Variants in SMYD5 observed in about 807,000 individuals in gnomAD.
SMYD5 encodes protein-lysine N-trimethyltransferase SMYD5.
Under a neutral mutation model 57.4 loss-of-function variants are expected in SMYD5, and 35 were observed. The ratio of observed to expected loss-of-function variants is 0.61; its 90% CI spans 0.47 to 0.81. The LOEUF is 0.81. Among genes scored for constraint, SMYD5 ranks in the 30% least tolerant of loss-of-function variants. The probability of loss-of-function intolerance (pLI) is 0.00; values close to 1 mark genes in which losing one functional copy is unlikely to be tolerated. For missense variants in SMYD5, 471 were observed against 527.9 expected (o/e 0.89, Z 1.06); for synonymous variants, 198 against 189.7 (o/e 1.04, Z -0.36).
intron 10 of SMYD5, among the ~76,000 whole-genome samples, chr2:73,224,303 G>T (rs2103721264): frequency 6.6e-6 from 1 of 152,336 alleles, no homozygotes; most frequent in South Asian, 2.1e-4. Context: ...GGATGCATGG[G>T]CTTTGCACCG....
At chr2:73,222,660 CT>C (rs1686418494) in intron 6 of SMYD5, 94 bp from the exon 7 acceptor site, 3 of 1,039,052 alleles carry the variant, frequency 2.9e-6, no homozygotes, top group Middle Eastern at 2.2e-4. Context: ...AGAGCTGGCC[CT>C]TTTTCCTTCC....
intron 1 of SMYD5, among the ~76,000 whole-genome samples, chr2:73,215,851 C>G (rs1404600110): frequency 6.6e-6 from 1 of 152,132 alleles, no homozygotes; most frequent in Non-Finnish European, 1.5e-5. Flanking sequence ...TTTTGCTTCT[C>G]TATTCAAATG....
chr2:73,225,936 C>G lies in SMYD5; in HGVS notation c.1247C>G (p.Thr416Ser). 1 of 1,613,136 alleles carries G rather than the reference C, an allele frequency of 6.2e-7. No individual in the cohort carries two copies. Residue 416 changes from threonine to serine, a missense_variant, in exon 13 of 13, where the codon ACT (threonine) becomes AGT (serine). Thr to Ser is a moderately conservative substitution (Grantham distance 58, BLOSUM62 1). Coordinates refer to ENST00000389501, the MANE Select transcript of SMYD5 (RefSeq NM_006062.3). ...GATGCAGAGCTGGGGGATGAGATGA[C>G]TGATGTGTGATGTTGCCCTGCCCAG... Reference protein sequence around the residue: ...PEDAELGDEMTDV With the variant: ...PEDAELGDEMSDV
chr2:73,220,257 TG>T, intron 3 of SMYD5, 67 bp downstream of exon 3: 2 of 1,567,868 alleles, frequency 1.3e-6, no homozygotes, highest in African/African-American at 1.3e-5. Flanking sequence ...GAGTCCTCAG[TG>T]GGGAGACAGG....
chr2:73,215,684 G>A (rs7557285), intron 1 of SMYD5, among the ~76,000 whole-genome samples: 83,495 of 151,760 alleles, frequency 0.55, 24,578 homozygotes, highest in African/African-American at 0.79. Flanking sequence ...CTTCCCTCTC[G>A]CTTCTTCACT....
intron 8 of SMYD5, 133 bp from the exon 9 acceptor site, chr2:73,223,292 TG>T: frequency 1.2e-6 from 1 of 811,202 alleles, no homozygotes; most frequent in Non-Finnish European, 2.1e-6. Flanking sequence ...TTGGGGAAGA[TG>T]GGCCCCCACC....
intron 1 of SMYD5, among the ~76,000 whole-genome samples, chr2:73,218,338 C>A (rs1686326217): frequency 6.6e-6 from 1 of 152,214 alleles, no homozygotes; most frequent in Admixed American, 6.5e-5. Context: ...GGATGCCAGG[C>A]ACTGTGCTAG....
In SMYD5 at chr2:73,223,027, C is replaced by T; in HGVS notation, c.706-9C>T. Reference sequence around the variant, plus strand: ...GTAATGAGCACTCATCTCTTTTTTCCCCCCACAGTGGTTCACTCCAGATGG... The same window carrying T: ...GTAATGAGCACTCATCTCTTTTTTCTCCCCACAGTGGTTCACTCCAGATGG... On this transcript the variant is annotated splice_polypyrimidine_tract_variant and intron_variant, in intron 7 of 12. Coordinates refer to ENST00000389501, the MANE Select transcript of SMYD5 (RefSeq NM_006062.3). 2 of 1,612,916 alleles carry T rather than the reference C, an allele frequency of 1.2e-6. No homozygotes were observed. Among genetic ancestry groups the T allele is most frequent in the Non-Finnish European group, 1.7e-6 (2 of 1,179,192 alleles).
intron 1 of SMYD5, among the ~76,000 whole-genome samples, chr2:73,215,160 T>G (rs1005044612): frequency 6.6e-6 from 1 of 152,244 alleles, no homozygotes; most frequent in African/African-American, 2.4e-5. Flanking sequence ...TATGGTATTT[T>G]TCATCCCCAG....
Position 73,226,584 on chromosome 2 carries a change from A to C in SMYD5, c.*638A>C. The C allele has an allele frequency of 6.6e-6, 1 of 152,440 alleles. No individual in the cohort carries two copies. Among genetic ancestry groups the C allele is most frequent in the Non-Finnish European group, 1.5e-5 (1 of 68,382 alleles). The allele number at this position is 152,440 out of a possible 1,614,324, so 9.4% of individuals were successfully genotyped here. Reference sequence around the variant, plus strand: ...TGGACATCTGGGGAAGTGGAGATTAACCCCTCCCCCAGACTCGTGCCTTGC... The same window carrying C: ...TGGACATCTGGGGAAGTGGAGATTACCCCCTCCCCCAGACTCGTGCCTTGC... On this transcript the variant is annotated 3_prime_UTR_variant, in exon 13 of 13. Coordinates refer to ENST00000389501, the MANE Select transcript of SMYD5 (RefSeq NM_006062.3).
intron 10 of SMYD5, 76 bp from the exon 11 acceptor site, chr2:73,224,790 G>A (rs1686467032): frequency 8.7e-7 from 1 of 1,146,762 alleles, no homozygotes; most frequent in Non-Finnish European, 1.3e-6. Flanking sequence ...AGCAAGAAAG[G>A]ACCCAGTGCT....
chr2:73,225,005 T>C, intron 11 of SMYD5, 45 bp downstream of exon 11: 2 of 1,463,582 alleles, frequency 1.4e-6, no homozygotes, highest in Middle Eastern at 1.8e-4. Flanking sequence ...CAGTAGGCCT[T>C]GGAAGTTCTC....
chr2:73,220,573 C>T, intron 3 of SMYD5, 88 bp from the exon 4 acceptor site: 2 of 1,497,296 alleles, frequency 1.3e-6, no homozygotes, highest in South Asian at 1.1e-5. Context: ...TGAGCTACAG[C>T]TCAGGGGCTA....
Position 73,221,904 on chromosome 2 carries a change from C to A in SMYD5, c.616C>A (p.His206Asn). ...AGCCAATGAAGAGGAGGAAATTGTC[C>A]ATAAACTTCTGGGAGACAAATTCAA... ...KTANEEEEIV[H>N]KLLGDKFKGQ... is the part of the protein sequence containing the mutation. Residue 206 changes from histidine to asparagine, a missense_variant, in exon 6 of 13, where the codon CAT becomes AAT. By Grantham distance (68) the His-to-Asn change is moderately conservative (BLOSUM62 1). Coordinates refer to ENST00000389501, the MANE Select transcript of SMYD5 (RefSeq NM_006062.3). 2 of 1,612,036 alleles carry A rather than the reference C, an allele frequency of 1.2e-6. No homozygotes were observed. The highest frequency in any genetic ancestry group is 1.1e-5 in the South Asian group (1 of 91,042).
rs151067908 is a variant in SMYD5, at chr2:73,216,275, C to T, written c.96+1913C>T. On this transcript the variant is annotated intron_variant, in intron 1 of 12. Coordinates refer to ENST00000389501, the MANE Select transcript of SMYD5 (RefSeq NM_006062.3). ...TTTTAAAATCTACTACATAGTCTGC[C>T]CGGGCATGGTGGCTCATTCCTTTAA... Among the ~76,000 whole-genome samples the T allele has an allele frequency of 1.4e-3, 208 of 152,264 alleles. 2 individuals carry two copies. Among genetic ancestry groups the T allele is most frequent in the African/African-American group, 4.9e-3 (202 of 41,548 alleles).
intron 2 of SMYD5, 195 bp from the exon 3 acceptor site, chr2:73,219,856 C>G: frequency 1.4e-6 from 1 of 713,036 alleles, no homozygotes; most frequent in Non-Finnish European, 2.5e-6. Flanking sequence ...AGGGGATCAT[C>G]TGCCTTGGGA....
In SMYD5 at chr2:73,224,313, G is replaced by A. The variant is rs541892337; in HGVS notation, c.940+310G>A. On this transcript the variant is annotated intron_variant, in intron 10 of 12. Transcript: ENST00000389501. ...CAAAGGGATGCATGGGCTTTGCACC[G>A]TCACTGCCTTGTGAGATTTGGGAGT... is the stretch of plus-strand genomic sequence containing the variant. Among the ~76,000 whole-genome samples the A allele has an allele frequency of 3.7e-4, 56 of 152,330 alleles. No homozygotes were observed. In the South Asian group the frequency reaches 6.0e-3, roughly 16 times the overall value.
chr2:73,222,965 C>T, intron 7 of SMYD5, 71 bp from the exon 8 acceptor site: 2 of 1,536,044 alleles, frequency 1.3e-6, no homozygotes, highest in Admixed American at 1.7e-5. Flanking sequence ...GAAGGCTTCC[C>T]AAACAGAGAG....
In SMYD5 at chr2:73,224,874, A is replaced by C. The variant is rs747359238; in HGVS notation, c.949A>C (p.Ser317Arg). Residue 317 changes from serine to arginine, a missense_variant, in exon 11 of 13, where the codon AGT becomes CGT. Transcript: ENST00000389501. ...LFVLQSCCNH[S>R]CVPNAETSFP... ...TGCCTCTTATGATCCAGGCAACCAC[A>C]GTTGTGTGCCCAATGCAGAGACCTC... 9.3e-6 allele frequency: 15 copies of C among 1,612,922 alleles called. No homozygotes were observed. Among genetic ancestry groups the C allele is most frequent in the Non-Finnish European group, 1.2e-5 (14 of 1,179,294 alleles).
Sources: gnomAD v4.1 joint callset for allele counts (sites outside exome capture counted in the v4.1 genomes callset) on GRCh38, gnomAD v4.1.1 for gene constraint, MANE v1.5 for transcripts, NCBI Gene and HGNC (gene_info 2026-07-23, HGNC 2026-07-21) for gene names.